The following KCNQ1 variants were observed in gnomAD, a reference collection of about 807,000 sequenced individuals.
The protein encoded by KCNQ1 is potassium voltage-gated channel subfamily Q member 1, also known as potassium voltage-gated channel subfamily KQT member 1.
KCNQ1 carries 49 observed loss-of-function variants against 72.4 expected under a neutral mutation model. The ratio of observed to expected loss-of-function variants is 0.68; its 90% CI spans 0.54 to 0.86. KCNQ1 has a LOEUF of 0.86. KCNQ1 is among the 40% of genes least tolerant of loss of function. The probability of loss-of-function intolerance (pLI) is 0.00; values close to 1 mark genes in which losing one functional copy is unlikely to be tolerated. For synonymous variants in KCNQ1, 450 were observed against 412.6 expected, an observed-to-expected ratio of 1.09 and a Z score of -1.10; for missense variants, 790 against 945.1, an observed-to-expected ratio of 0.84 and a Z score of 2.15.
Position 2,559,945 on chromosome 11 carries a change from C to T in KCNQ1, c.478-10683C>T, listed in dbSNP as rs1167242935. On this transcript the variant is annotated intron_variant, in intron 2 of 15. Coordinates refer to ENST00000155840, the MANE Select transcript of KCNQ1 (RefSeq NM_000218.3). This position sits in a 1 kb window ranked among gnomAD's most constrained non-coding sequence, Gnocchi z 4.9. ...GTGTGTCTTCCTGCAGGGCCAGGAC[C>T]CCCAGAGTGTTCCAGTGACTTCAGA... 6.6e-6 allele frequency among the ~76,000 whole-genome samples: 1 copy of T among 151,512 alleles called. No individual in the cohort carries two copies. The highest frequency in any genetic ancestry group is 1.5e-5 in the Non-Finnish European group (1 of 67,906).
At position 2,685,516 on chromosome 11, in the gene KCNQ1, G is replaced by A. The variant is rs563585270; in HGVS notation, c.1514+23435G>A. 10 of 398,762 alleles carry A rather than the reference G, an allele frequency of 2.5e-5. No individual in the cohort carries two copies. In the South Asian group the frequency reaches 8.9e-4, roughly 35 times the overall value. The allele number at this position is 398,762 out of a possible 1,614,324, so 24.7% of individuals were successfully genotyped here. On this transcript the variant is annotated intron_variant, in intron 11 of 15. Transcript: ENST00000155840. The stretch of plus-strand genomic sequence containing the variant: ...AGTTGCTCACATCCAGACAGGAGAC[G>A]CTAGTCCTACAGGTGCAGTGGGAGG...
chr11:2,819,121 T>G (rs540012595), intron 15 of KCNQ1, among the ~76,000 whole-genome samples: 1 of 152,338 alleles, frequency 6.6e-6, no homozygotes, highest in African/African-American at 2.4e-5. Context: ...ATTCATTCAT[T>G]CATTCATTCA....
intron 1 of KCNQ1, among the ~76,000 whole-genome samples, chr11:2,456,950 A>AC (rs1439226133): frequency 1.4e-5 from 2 of 145,234 alleles, no homozygotes; most frequent in Non-Finnish European, 3.0e-5. Flanking sequence ...AAAAAAAAAA[A>AC]AAAAAAAAAA....
rs1849877721 is a variant in KCNQ1, at chr11:2,657,874, G to A, written c.1394-4087G>A. On this transcript the variant is annotated intron_variant, in intron 10 of 15. Coordinates refer to ENST00000155840, the MANE Select transcript of KCNQ1 (RefSeq NM_000218.3). The surrounding 1 kb of genome is among the most constrained non-coding windows in gnomAD (Gnocchi z 4.8). Reference sequence around the variant, plus strand: ...CAGGGTTATAGGTTTAGGGGAAGGAGGCCAGTGAGGTGAGATGCTTTCCTC... The same window carrying A: ...CAGGGTTATAGGTTTAGGGGAAGGAAGCCAGTGAGGTGAGATGCTTTCCTC... 2.5e-6 allele frequency: 1 copy of A among 398,484 alleles called. No individual in the cohort carries two copies. Among genetic ancestry groups the A allele is most frequent in the African/African-American group, 2.1e-5 (1 of 48,622 alleles). The allele number at this position is 398,484 out of a possible 1,614,324, so 24.7% of individuals were successfully genotyped here.
At position 2,563,598 on chromosome 11, in the gene KCNQ1, T is replaced by G. The variant is rs1311291920; in HGVS notation, c.478-7030T>G. On this transcript the variant is annotated intron_variant, in intron 2 of 15. Coordinates refer to ENST00000155840, the MANE Select transcript of KCNQ1 (RefSeq NM_000218.3). The surrounding 1 kb of genome is among the most constrained non-coding windows in gnomAD (Gnocchi z 7.4). ...AGGGTCTGTCTGCCTAATGACAAGA[T>G]TTCAGTACCAATAGCGAAGCCGTCA... Among the ~76,000 whole-genome samples the G allele has an allele frequency of 9.9e-5, 15 of 152,208 alleles. No homozygotes were observed. The highest frequency in any genetic ancestry group is 2.1e-4 in the Non-Finnish European group (14 of 68,036).
At position 2,448,925 on chromosome 11, in the gene KCNQ1, C is replaced by T. The variant is rs535640874; in HGVS notation, c.386+3441C>T. On this transcript the variant is annotated intron_variant, in intron 1 of 15. Transcript: ENST00000155840. ...AACACAGGCATCCCTTACCCCTGGC[C>T]GTCAGCTGGGGAGGGGGTAGTCCAG... Among the ~76,000 whole-genome samples the T allele has an allele frequency of 3.9e-5, 6 of 152,340 alleles. No homozygotes were observed. The South Asian group carries it at 8.3e-4, about 21-fold the overall frequency.
In KCNQ1 at chr11:2,837,710, A is replaced by G. The variant is rs916959208; in HGVS notation, c.1795-10057A>G. On this transcript the variant is annotated intron_variant, in intron 15 of 15. Coordinates refer to ENST00000155840, the MANE Select transcript of KCNQ1 (RefSeq NM_000218.3). ...GGAGACCCTCACCTGGGGCCTGGAG[A>G]ATGAGAAGGGTCTGGAGGCTAAGGA... 4.6e-5 allele frequency among the ~76,000 whole-genome samples: 7 copies of G among 152,212 alleles called. No individual in the cohort carries two copies. The South Asian group carries it at 1.5e-3, about 32-fold the overall frequency.
chr11:2,576,690 C>G (rs554473432), intron 6 of KCNQ1, among the ~76,000 whole-genome samples: 1 of 152,362 alleles, frequency 6.6e-6, no homozygotes, highest in Non-Finnish European at 1.5e-5. Context: ...TGCACCCTGG[C>G]GGGGCAAGGC....
rs951019681 is a variant in KCNQ1, at chr11:2,666,387, G to A, written c.1514+4306G>A. The stretch of plus-strand genomic sequence containing the variant: ...TGGCCTCTTGTGACATGACAGCTTC[G>A]CAAATCCTTGAGCAAAAACAGCCCC... On this transcript the variant is annotated intron_variant, in intron 11 of 15. Transcript: ENST00000155840. 56 of 398,648 alleles carry A rather than the reference G, an allele frequency of 1.4e-4. No individual in the cohort carries two copies. The highest frequency in any genetic ancestry group is 1.1e-3 in the South Asian group (9 of 7,854). The allele number at this position is 398,648 out of a possible 1,614,324, so 24.7% of individuals were successfully genotyped here.
intron 11 of KCNQ1, among the ~76,000 whole-genome samples, chr11:2,714,493 A>G (rs1208030162): frequency 2.0e-5 from 3 of 152,096 alleles, no homozygotes; most frequent in African/African-American, 7.2e-5. Context: ...GCACTTCTGA[A>G]TCCCCAGGGC....
chr11:2,646,992 A>G (rs567292503), intron 10 of KCNQ1: 2 of 398,470 alleles, frequency 5.0e-6, no homozygotes, highest in East Asian at 7.1e-5. Context: ...TTACTTGCCT[A>G]ATTGTTCTGG....
At chr11:2,524,728 C>A (rs1259527995) in intron 1 of KCNQ1, among the ~76,000 whole-genome samples, 2 of 152,220 alleles carry the variant, frequency 1.3e-5, no homozygotes, top group African/African-American at 4.8e-5. Flanking sequence ...TGATTCCCTG[C>A]TGGACGTCAG....
rs372387657 is a variant in KCNQ1, at chr11:2,504,240, C to T, written c.387-23688C>T. 5.3e-5 allele frequency among the ~76,000 whole-genome samples: 8 copies of T among 152,160 alleles called. No homozygotes were observed. In the South Asian group the frequency reaches 1.7e-3, roughly 32 times the overall value. On this transcript the variant is annotated intron_variant, in intron 1 of 15. Transcript: ENST00000155840. ...AATAAGCCAGGCACAGAAAGACAAACTTTGCATGTTCTCACTTATTTGTGG... is the reference window on the plus strand; with the variant it reads ...AATAAGCCAGGCACAGAAAGACAAATTTTGCATGTTCTCACTTATTTGTGG...
At chr11:2,789,798 T>C (rs1487084993) in intron 15 of KCNQ1, among the ~76,000 whole-genome samples, 1 of 152,200 alleles carries the variant, frequency 6.6e-6, no homozygotes, top group East Asian at 1.9e-4. Context: ...GTGTTTCTTT[T>C]TCCCCCCAGT....
rs1236713132 is a variant in KCNQ1, at chr11:2,567,867, A to C, written c.478-2761A>C. Among the ~76,000 whole-genome samples the C allele has an allele frequency of 6.6e-6, 1 of 152,262 alleles. No homozygotes were observed. Among genetic ancestry groups the C allele is most frequent in the Admixed American group, 6.5e-5 (1 of 15,284 alleles). ...AAAAAGACACGCAGCTATCCACAGC[A>C]ATCCTTAATAGTTACTTATCTATTT... On this transcript the variant is annotated intron_variant, in intron 2 of 15. Transcript: ENST00000155840. The surrounding 1 kb of genome is among the most constrained non-coding windows in gnomAD (Gnocchi z 6.6).
intron 11 of KCNQ1, among the ~76,000 whole-genome samples, chr11:2,722,738 G>A (rs967381408): frequency 6.6e-5 from 10 of 152,078 alleles, no homozygotes; most frequent in Non-Finnish European, 1.3e-4. Flanking sequence ...TTGGAACTTA[G>A]TGAGGTGGCT....
intron 15 of KCNQ1, among the ~76,000 whole-genome samples, chr11:2,834,591 CAG>C (rs561839218): frequency 2.9e-4 from 44 of 152,322 alleles, no homozygotes; most frequent in African/African-American, 1.1e-3. Flanking sequence ...TTCCCCATCT[CAG>C]AGACTGTGCG....
intron 1 of KCNQ1, chr11:2,461,849 GAGAA>G (rs1245889468): frequency 1.7e-6 from 1 of 590,748 alleles, no homozygotes. Context: ...TGGGTGGAGA[GAGAA>G]AGGGGTGGGT....
In KCNQ1 at chr11:2,848,002, G is replaced by A. The variant is rs1848371206; in HGVS notation, c.2030G>A (p.Ter677=). Residue 677 remains the stop codon, a stop_retained_variant, in exon 16 of 16, where the codon TGA becomes TAA. Transcript: ENST00000155840. ...VPRRGPDEGS[*] ...AGGAGGGGCCCCGATGAGGGGTCCTGAGGAGGGGATGGGGCTGGGGGATGG... is the reference window on the plus strand; with the variant it reads ...AGGAGGGGCCCCGATGAGGGGTCCTAAGGAGGGGATGGGGCTGGGGGATGG... 1.3e-6 allele frequency: 2 copies of A among 1,543,174 alleles called. No homozygotes were observed. Among genetic ancestry groups the A allele is most frequent in the Admixed American group, 2.0e-5 (1 of 50,830 alleles).
Sources: allele counts gnomAD v4.1 joint callset (sites outside exome capture counted in the v4.1 genomes callset), GRCh38; gene constraint gnomAD v4.1.1; non-coding constraint Gnocchi (gnomAD v3.1); transcripts MANE v1.5; gene names NCBI Gene and HGNC (gene_info 2026-07-23, HGNC 2026-07-21).